The following QPCTL variants were observed in gnomAD, a reference collection of about 807,000 sequenced individuals.
QPCTL encodes the protein glutaminyl-peptide cyclotransferase like.
In QPCTL, 31 loss-of-function variants were observed where a neutral mutation model predicts 34.6. That is an observed-to-expected ratio of 0.90 (90% confidence interval 0.67 to 1.21). The LOEUF is 1.21. QPCTL is among the 50% of genes most tolerant of loss of function. QPCTL has a pLI of 0.00. For missense variants in QPCTL, 474 were observed against 507.8 expected, an observed-to-expected ratio of 0.93 and a Z score of 0.64; for synonymous variants, 223 against 226.9, an observed-to-expected ratio of 0.98 and a Z score of 0.15.
Position 45,703,181 on chromosome 19 carries a change from C to A in QPCTL, c.*132C>A. 2 of 1,169,270 alleles carry A rather than the reference C, an allele frequency of 1.7e-6. No homozygotes were observed. The highest frequency in any genetic ancestry group is 2.4e-6 in the Non-Finnish European group (2 of 829,952). 72.4% of individuals were successfully genotyped at this position (1,169,270 alleles called of 1,614,324 possible). ...ATACCTTTGTCTCCTAATTGTGCTA[C>A]AATTGGAAGACCTTCTTTCTTTTGA... On this transcript the variant is annotated 3_prime_UTR_variant, in exon 7 of 7. Coordinates refer to ENST00000012049, the MANE Select transcript of QPCTL (RefSeq NM_017659.4).
intron 2 of QPCTL, 30 bp downstream of exon 2, chr19:45,693,586 C>G (rs1010681699): frequency 6.4e-7 from 1 of 1,567,660 alleles, no homozygotes; most frequent in Non-Finnish European, 8.7e-7. Flanking sequence ...GTCCCTGACC[C>G]CCTAGCCCTC....
chr19:45,699,659 G>A (rs962456905), intron 5 of QPCTL, among the ~76,000 whole-genome samples: 2 of 151,882 alleles, frequency 1.3e-5, no homozygotes, highest in Admixed American at 1.3e-4. Context: ...GGCCAGGCGC[G>A]ATGGCTCACA....
At chr19:45,696,661 T>G (rs1195554244) in intron 3 of QPCTL, among the ~76,000 whole-genome samples, 1 of 150,140 alleles carries the variant, frequency 6.7e-6, no homozygotes, top group Non-Finnish European at 1.5e-5. Flanking sequence ...ATGGCTTGAG[T>G]CTAGGAGTTT....
chr19:45,692,721 C>A lies in QPCTL; in HGVS notation c.18C>A (p.Arg6=). The A allele has an allele frequency of 6.4e-7, 1 of 1,551,920 alleles. No individual in the cohort carries two copies. Among genetic ancestry groups the A allele is most frequent in the Non-Finnish European group, 8.7e-7 (1 of 1,148,276 alleles). ...AAGCGGCCATGCGTTCCGGGGGCCGCGGGCGACCCCGCCTGCGGCTGGGGG... is the reference window on the plus strand; with the variant it reads ...AAGCGGCCATGCGTTCCGGGGGCCGAGGGCGACCCCGCCTGCGGCTGGGGG... MRSGG[R]GRPRLRLGER... Residue 6 remains arginine, a synonymous_variant, in exon 1 of 7, where the codon CGC becomes CGA. Transcript: ENST00000012049.
chr19:45,700,464 CAAAT>C (rs1223146798), intron 5 of QPCTL, among the ~76,000 whole-genome samples: 2 of 151,662 alleles, frequency 1.3e-5, no homozygotes, highest in African/African-American at 2.4e-5. Context: ...AATAAATAAA[CAAAT>C]AAATAAATAA....
Position 45,701,713 on chromosome 19 carries a change from GTGCTC to G in QPCTL, c.887-81_887-77del, listed in dbSNP as rs1399707387. 15 of 1,018,930 alleles carry G rather than the reference GTGCTC, an allele frequency of 1.5e-5. No individual in the cohort carries two copies. The African/African-American group carries it at 1.9e-4, about 13-fold the overall frequency. 63.1% of individuals were successfully genotyped at this position (1,018,930 alleles called of 1,614,324 possible). A position where few individuals can be genotyped will look rare whatever the true frequency, so the allele number is the denominator to read the frequency against. On this transcript the variant is annotated intron_variant, in intron 5 of 6. Transcript: ENST00000012049. Reference sequence around the variant, plus strand: ...GGGCTGACCAGGGCTTTGTCTCTGGGTGCTCTGCCTTCCTCTGATTTGTGGACTGG... The same window carrying G: ...GGGCTGACCAGGGCTTTGTCTCTGGGTGCCTTCCTCTGATTTGTGGACTGG...
chr19:45,698,302 T>C (rs932853436), intron 3 of QPCTL, among the ~76,000 whole-genome samples: 4 of 151,898 alleles, frequency 2.6e-5, no homozygotes, highest in African/African-American at 9.7e-5. Flanking sequence ...ACCCCATTTA[T>C]AGATGAAGAA....
At chr19:45,698,399 C>T (rs184775749) in intron 3 of QPCTL, 148 bp from the exon 4 acceptor site, 27 of 952,882 alleles carry the variant, frequency 2.8e-5, no homozygotes, top group Non-Finnish European at 3.5e-5. Flanking sequence ...ACAACTGACT[C>T]GGAATCTGTG....
intron 5 of QPCTL, among the ~76,000 whole-genome samples, chr19:45,700,218 A>G (rs1456535208): frequency 6.6e-6 from 1 of 152,016 alleles, no homozygotes; most frequent in Non-Finnish European, 1.5e-5. Context: ...AGACTAAGGT[A>G]GGTGGATCAC....
In QPCTL at chr19:45,703,089, A is replaced by G. The variant is rs778111999; in HGVS notation, c.*40A>G. On this transcript the variant is annotated 3_prime_UTR_variant, in exon 7 of 7. Transcript: ENST00000012049. Reference sequence around the variant, plus strand: ...GACTGTGGAGAGGACTGTGAGAGAGAAGGTCCCAGCGGGGGCCAGTGAAGC... The same window carrying G: ...GACTGTGGAGAGGACTGTGAGAGAGGAGGTCCCAGCGGGGGCCAGTGAAGC... 12 of 1,612,576 alleles carry G rather than the reference A, an allele frequency of 7.4e-6. No individual in the cohort carries two copies. The highest frequency in any genetic ancestry group is 1.0e-5 in the Non-Finnish European group (12 of 1,178,860).
Position 45,698,648 on chromosome 19 carries a change from G to A in QPCTL, c.735G>A (p.Gln245=), listed in dbSNP as rs774304200. Residue 245 remains glutamine, a synonymous_variant, in exon 4 of 7, where the codon CAG becomes CAA. Transcript: ENST00000012049. ...DSLYGSRHLA[Q]LMESIPHSPG... is the part of the protein sequence containing the mutation. ...TTTACGGTTCCCGGCACCTGGCCCAGCTCATGGAGTCTATACCTCACAGCC... is the reference window on the plus strand; with the variant it reads ...TTTACGGTTCCCGGCACCTGGCCCAACTCATGGAGTCTATACCTCACAGCC... The A allele has an allele frequency of 6.6e-5, 107 of 1,614,014 alleles. No homozygotes were observed. The highest frequency in any genetic ancestry group is 9.0e-5 in the Non-Finnish European group (106 of 1,180,030).
At position 45,692,882 on chromosome 19, in the gene QPCTL, A is replaced by G; in HGVS notation, c.179A>G (p.Glu60Gly). 1 of 1,546,004 alleles carries G rather than the reference A, an allele frequency of 6.5e-7. No homozygotes were observed. The highest frequency in any genetic ancestry group is 8.7e-7 in the Non-Finnish European group (1 of 1,147,276). Reference protein sequence around the residue: ...TIWSGWHRRTEELPLGRELRV... With the variant: ...TIWSGWHRRTGELPLGRELRV... ...TGGAGCGGCTGGCACCGCAGGACTGAGGAGCTGCCGCTGGGCCGGGAGCTG... is the reference window on the plus strand; with the variant it reads ...TGGAGCGGCTGGCACCGCAGGACTGGGGAGCTGCCGCTGGGCCGGGAGCTG... The change falls in exon 1 of 7, where the codon GAG (glutamate) becomes GGG (glycine). Residue 60 changes from glutamate to glycine, a missense_variant. Glu to Gly is a moderately conservative substitution (Grantham distance 98, BLOSUM62 -2). Transcript: ENST00000012049.
In QPCTL at chr19:45,698,694, G is replaced by T. The variant is rs754596184; in HGVS notation, c.781G>T (p.Ala261Ser). ...CAGCCCCGGCCCCACCAGGATCCAGGCTATTGTAAGACCAGGGTCCCCTGG... is the reference window on the plus strand; with the variant it reads ...CAGCCCCGGCCCCACCAGGATCCAGTCTATTGTAAGACCAGGGTCCCCTGG... ...PHSPGPTRIQ[A>S]IELFMLLDLL... The change falls in exon 4 of 7, where the codon GCT (alanine) becomes TCT (serine). Residue 261 changes from alanine (A) to serine (S), a missense_variant. Transcript: ENST00000012049. 2 of 1,613,966 alleles carry T rather than the reference G, an allele frequency of 1.2e-6. No individual in the cohort carries two copies. The highest frequency in any genetic ancestry group is 8.5e-7 in the Non-Finnish European group (1 of 1,179,996).
chr19:45,702,447 A>G (rs1395697475), intron 6 of QPCTL, among the ~76,000 whole-genome samples: 1 of 150,838 alleles, frequency 6.6e-6, no homozygotes, highest in Non-Finnish European at 1.5e-5. Flanking sequence ...TGGACAACAG[A>G]GGGTGATGAT....
chr19:45,698,569 T>G lies in QPCTL; in HGVS notation c.656T>G (p.Leu219Arg). Residue 219 changes from leucine to arginine, a missense_variant, in exon 4 of 7, where the codon CTG becomes CGG. By Grantham distance (102) the Leu-to-Arg change is moderately radical. Transcript: ENST00000012049. ...CAGGCAGCCCCGGTGACCCTGCAAC[T>G]GCTCTTCTTGGATGGTGAAGAGGCG... ...KKQAAPVTLQ[L>R]LFLDGEEALK... 6.8e-6 allele frequency: 11 copies of G among 1,614,132 alleles called. No homozygotes were observed. The highest frequency in any genetic ancestry group is 9.3e-6 in the Non-Finnish European group (11 of 1,180,004).
rs1186617673 is a variant in QPCTL at position 45,703,235 on chromosome 19, A to G, written c.*186A>G. 1.3e-6 allele frequency: 1 copy of G among 755,132 alleles called. No individual in the cohort carries two copies. The highest frequency in any genetic ancestry group is 1.8e-5 in the South Asian group (1 of 54,254). The allele number at this position is 755,132 out of a possible 1,614,324, so 46.8% of individuals were successfully genotyped here. On this transcript the variant is annotated 3_prime_UTR_variant, in exon 7 of 7. Transcript: ENST00000012049. The stretch of plus-strand genomic sequence containing the variant: ...TCTCAAGCTGCCACCCTTCAAGGAC[A>G]GGGAAGAGACCACTGTGGGATGACA...
chr19:45,698,806 CTT>C lies in QPCTL; in HGVS notation c.794_795del (p.Phe265TyrfsTer4). The part of the protein sequence containing the change: ...GPTRIQAIEL[F>X]MLLDLLGAPN... ...GTCCTAGCCTTTCTCCTTAGGAGCT[CTT>C]TATGCTTCTTGATCTCCTGGGAGCC... On this transcript the variant is annotated frameshift_variant, in exon 5 of 7. Transcript: ENST00000012049. LOFTEE classifies it high-confidence loss of function. 1 of 1,614,006 alleles carries C rather than the reference CTT, an allele frequency of 6.2e-7. No homozygotes were observed. Among genetic ancestry groups the C allele is most frequent in the Non-Finnish European group, 8.5e-7 (1 of 1,179,876 alleles).
At chr19:45,693,122 G>C (rs987617303) in intron 1 of QPCTL, among the ~76,000 whole-genome samples, 5 of 152,276 alleles carry the variant, frequency 3.3e-5, no homozygotes, top group African/African-American at 7.2e-5. Context: ...TAGTAAGACG[G>C]GGGGGTTCAG....
At chr19:45,699,803 G>A (rs1431859897) in intron 5 of QPCTL, among the ~76,000 whole-genome samples, 1 of 151,894 alleles carries the variant, frequency 6.6e-6, no homozygotes, top group Non-Finnish European at 1.5e-5. Context: ...GTGGTGACAT[G>A]TGCCTGTAAT....
Sources: gnomAD v4.1 joint callset for allele counts (sites outside exome capture counted in the v4.1 genomes callset) on GRCh38, gnomAD v4.1.1 for gene constraint, MANE v1.5 for transcripts, NCBI Gene and HGNC (gene_info 2026-07-23, HGNC 2026-07-21) for gene names.